The following OR51B5 variants were observed in gnomAD, a reference collection of about 807,000 sequenced individuals.
OR51B5 encodes the protein olfactory receptor family 51 subfamily B member 5.
For synonymous variants in OR51B5, 186 were observed against 144.8 expected (o/e 1.28, Z -2.04); for missense variants, 456 against 374.6 (o/e 1.22, Z -1.79).
chr11:5,407,331 T>C (rs979402799), intron 1 of OR51B5, among the ~76,000 whole-genome samples: 9 of 152,326 alleles, frequency 5.9e-5, no homozygotes, highest in African/African-American at 1.9e-4. Context: ...ACTAAGTCTT[T>C]TGCATTGAGT....
chr11:5,490,721 A>C (rs1590027196), intron 1 of OR51B5, among the ~76,000 whole-genome samples: 1 of 152,336 alleles, frequency 6.6e-6, no homozygotes, highest in African/African-American at 2.4e-5. Context: ...TACACTGTCC[A>C]GTATTTTATT....
At chr11:5,386,096 A>T (rs1007251011) in intron 1 of OR51B5, among the ~76,000 whole-genome samples, 2 of 152,146 alleles carry the variant, frequency 1.3e-5, no homozygotes, top group African/African-American at 4.8e-5. Context: ...TTGACAGAAG[A>T]AGTGATATTT....
chr11:5,342,960 C>T (rs748750375), exon 1 of OR51B5: 1 of 1,613,402 alleles, frequency 6.2e-7, no homozygotes. Flanking sequence ...AAGGTGGTAT[C>T]AGCACAGGCG....
At chr11:5,453,790 T>G (rs1208659069) in intron 1 of OR51B5, 1 of 1,614,088 alleles carries the variant, frequency 6.2e-7, no homozygotes, top group Non-Finnish European at 8.5e-7. Flanking sequence ...CTAATTCAGA[T>G]GTTTCTTATT....
intron 1 of OR51B5, among the ~76,000 whole-genome samples, chr11:5,382,515 T>C (rs1044538988): frequency 3.3e-5 from 5 of 152,200 alleles, no homozygotes; most frequent in African/African-American, 1.2e-4. Context: ...CTGGTAATAA[T>C]AGCAGCATTG....
intron 1 of OR51B5, among the ~76,000 whole-genome samples, chr11:5,419,034 A>G (rs1376237502): frequency 6.6e-6 from 1 of 152,134 alleles, no homozygotes; most frequent in African/African-American, 2.4e-5. Context: ...TATGAATTCT[A>G]TATCCTAGTA....
intron 1 of OR51B5, among the ~76,000 whole-genome samples, chr11:5,415,420 AAAATC>A (rs1369153540): frequency 6.6e-6 from 1 of 151,314 alleles, no homozygotes; most frequent in Non-Finnish European, 1.5e-5. Flanking sequence ...AGAAATAACT[AAAATC>A]AGAGCAGAAC....
intron 1 of OR51B5, among the ~76,000 whole-genome samples, chr11:5,357,578 T>A (rs900071561): frequency 6.6e-6 from 1 of 151,882 alleles, no homozygotes; most frequent in East Asian, 1.9e-4. Flanking sequence ...ATTAGACAGA[T>A]CAACGAGACA....
intron 1 of OR51B5, among the ~76,000 whole-genome samples, chr11:5,480,793 C>A (rs1851406695): frequency 7.4e-6 from 1 of 135,074 alleles, no homozygotes; most frequent in Non-Finnish European, 1.6e-5. Flanking sequence ...ATACACTCTC[C>A]CAAGACTAAA....
At chr11:5,379,081 G>C (rs555990893) in intron 1 of OR51B5, among the ~76,000 whole-genome samples, 2,757 of 151,188 alleles carry the variant, frequency 0.018, 85 homozygotes, top group African/African-American at 0.064. Flanking sequence ...AACAATGATA[G>C]ACTGGATTAA....
At chr11:5,390,986 G>A (rs992735638) in intron 1 of OR51B5, 1 of 152,346 alleles carries the variant, frequency 6.6e-6, no homozygotes, top group Admixed American at 6.5e-5. Context: ...TCTAGAAGAA[G>A]AGACTTTGAT....
At chr11:5,486,378 G>A (rs1173719059) in intron 1 of OR51B5, among the ~76,000 whole-genome samples, 1 of 150,870 alleles carries the variant, frequency 6.6e-6, no homozygotes, top group African/African-American at 2.4e-5. Flanking sequence ...GTTCATTGCT[G>A]TTACCCCAGT....
intron 1 of OR51B5, chr11:5,468,558 T>C (rs1851173923): frequency 2.4e-6 from 1 of 410,454 alleles, no homozygotes; most frequent in Non-Finnish European, 4.9e-6. Flanking sequence ...AATAGATAAT[T>C]GGGTAGAGCA....
chr11:5,494,201 A>AAT (rs1330546725), intron 1 of OR51B5, among the ~76,000 whole-genome samples: 2 of 152,342 alleles, frequency 1.3e-5, no homozygotes, highest in Middle Eastern at 3.4e-3. Flanking sequence ...CAAATGCATT[A>AAT]ATGTGTGGCA....
At position 5,454,262 on chromosome 11, in the gene OR51B5, C is replaced by T. The variant is rs150738406; in HGVS notation, n.84+51307G>A. 467 of 1,614,204 alleles carry T rather than the reference C, an allele frequency of 2.9e-4. 5 individuals are homozygous for T. The highest frequency in any genetic ancestry group is 2.9e-3 in the African/African-American group (215 of 75,056). On this transcript the variant is annotated intron_variant and non_coding_transcript_variant, in intron 1 of 4. Transcript: ENST00000415970. Reference sequence around the variant, plus strand: ...CATTTTATGTGCCAATGATTGGGGTCTCCACAGTGCACCGCTTTGGGAAGC... The same window carrying T: ...CATTTTATGTGCCAATGATTGGGGTTTCCACAGTGCACCGCTTTGGGAAGC...
chr11:5,354,946 G>A, intron 1 of OR51B5: 1 of 166,012 alleles, frequency 6.0e-6, no homozygotes, highest in Non-Finnish European at 1.3e-5. Flanking sequence ...CTGTGCGCTG[G>A]ATTGGTCTGG....
At chr11:5,342,589 G>A in exon 1 of OR51B5, 1 of 1,574,344 alleles carries the variant, frequency 6.4e-7, no homozygotes, top group Non-Finnish European at 8.6e-7. Flanking sequence ...TTGGAGATCA[G>A]GTTCCAATTC....
chr11:5,351,392 A>C (rs1448703215), intron 1 of OR51B5: 3 of 714,316 alleles, frequency 4.2e-6, no homozygotes, highest in Non-Finnish European at 7.0e-6. Flanking sequence ...CTGTCACTGA[A>C]AGTCAGGACT....
At chr11:5,344,093 A>C (rs1295307901), upstream of OR51B5, among the ~76,000 whole-genome samples, 1 of 152,216 alleles carries the variant, frequency 6.6e-6, no homozygotes, top group Non-Finnish European at 1.5e-5. Context: ...CAGATTGAGA[A>C]AGAGACACTT....
Sources: allele counts gnomAD v4.1 joint callset (sites outside exome capture counted in the v4.1 genomes callset), GRCh38; gene constraint gnomAD v4.1.1; transcripts MANE v1.5; gene names NCBI Gene and HGNC (gene_info 2026-07-23, HGNC 2026-07-21).